Variants in GPC6 observed in about 807,000 individuals in gnomAD.
GPC6 encodes glypican-6.
Under a neutral mutation model 55.2 loss-of-function variants are expected in GPC6, and 14 were observed. The observed-to-expected ratio is 0.25, with a 90% confidence interval of 0.17 to 0.40. GPC6 has a LOEUF of 0.40. Ranked by LOEUF, GPC6 falls within the 10% of genes least tolerant of loss-of-function variation. GPC6 has a pLI of 1.00. For missense variants in GPC6, 641 were observed against 708.5 expected (o/e 0.90, Z 1.08); for synonymous variants, 278 against 259.6 (o/e 1.07, Z -0.68).
At chr13:94,050,796 C>T (rs1315349231) in intron 4 of GPC6, among the ~76,000 whole-genome samples, 3 of 152,262 alleles carry the variant, frequency 2.0e-5, no homozygotes, top group South Asian at 2.1e-4. Flanking sequence ...GCTCTTATTA[C>T]GTTATTACAG....
intron 4 of GPC6, among the ~76,000 whole-genome samples, chr13:94,086,188 GAAAAGAGGATT>G (rs1885276076): frequency 6.6e-6 from 1 of 152,132 alleles, no homozygotes; most frequent in Non-Finnish European, 1.5e-5. Context: ...AAAAGGTTTA[GAAAAGAGGATT>G]ACATAAAGAT....
upstream of GPC6, among the ~76,000 whole-genome samples, chr13:93,222,054 C>T (rs1875641462): frequency 6.6e-6 from 1 of 152,092 alleles, no homozygotes. Flanking sequence ...AAAATTAACA[C>T]AAGACATTTC....
intron 1 of GPC6, among the ~76,000 whole-genome samples, chr13:93,492,372 G>T (rs1314152491): frequency 2.1e-5 from 3 of 142,552 alleles, no homozygotes; most frequent in Non-Finnish European, 4.6e-5. Flanking sequence ...CATTGATTTT[G>T]TATCCTGAGA....
intron 3 of GPC6, among the ~76,000 whole-genome samples, chr13:93,832,053 G>A (rs1475263158): frequency 1.7e-5 from 2 of 116,310 alleles, no homozygotes; most frequent in Non-Finnish European, 3.3e-5. Flanking sequence ...TCGAGCCTCT[G>A]CACTCCAGCC....
intron 3 of GPC6, among the ~76,000 whole-genome samples, chr13:93,997,335 C>A (rs1881600532): frequency 6.6e-6 from 1 of 152,112 alleles, no homozygotes; most frequent in Admixed American, 6.6e-5. Flanking sequence ...AAGTTCTTCT[C>A]TTTGGTAGGA....
intron 2 of GPC6, among the ~76,000 whole-genome samples, chr13:93,760,623 A>G (rs547534418): frequency 3.3e-5 from 5 of 152,284 alleles, no homozygotes; most frequent in South Asian, 2.1e-4. Context: ...TGTATTCTCA[A>G]CAAGGGTCCA....
intron 1 of GPC6, among the ~76,000 whole-genome samples, chr13:93,251,681 C>T (rs1450731006): frequency 1.3e-5 from 2 of 152,128 alleles, no homozygotes; most frequent in Non-Finnish European, 1.5e-5. Context: ...GTTAGTTCTC[C>T]TTTTCCCCAT....
intron 6 of GPC6, among the ~76,000 whole-genome samples, chr13:94,324,023 G>A (rs952335446): frequency 1.3e-5 from 2 of 152,100 alleles, no homozygotes; most frequent in Non-Finnish European, 2.9e-5. Flanking sequence ...GCTGGCTTCC[G>A]GCATTGTTGT....
At chr13:94,190,541 A>G (rs1280166964) in intron 4 of GPC6, among the ~76,000 whole-genome samples, 1 of 152,206 alleles carries the variant, frequency 6.6e-6, no homozygotes, top group East Asian at 1.9e-4. Context: ...TGGCAATGAA[A>G]TGGAATACAG....
intron 1 of GPC6, among the ~76,000 whole-genome samples, chr13:93,296,994 C>A (rs1878517874): frequency 6.6e-6 from 1 of 152,168 alleles, no homozygotes; most frequent in Non-Finnish European, 1.5e-5. Context: ...TTGGAAACAA[C>A]TGAAGAGAAG....
At chr13:94,125,396 C>T (rs1244595633) in intron 4 of GPC6, among the ~76,000 whole-genome samples, 1 of 151,952 alleles carries the variant, frequency 6.6e-6, no homozygotes, top group Non-Finnish European at 1.5e-5. Flanking sequence ...GTGCCATGTG[C>T]ATTTTTTTTC....
chr13:94,131,196 G>C (rs1332585281), intron 4 of GPC6, among the ~76,000 whole-genome samples: 1 of 152,140 alleles, frequency 6.6e-6, no homozygotes, highest in Admixed American at 6.5e-5. Flanking sequence ...ATCCAGGACT[G>C]CATTTATGAT....
intron 2 of GPC6, among the ~76,000 whole-genome samples, chr13:93,643,007 A>G (rs1282630890): frequency 6.6e-6 from 1 of 152,066 alleles, no homozygotes; most frequent in African/African-American, 2.4e-5. Context: ...TTTCATTACA[A>G]CTCTGAAAAT....
chr13:93,929,850 A>G (rs1252375430), intron 3 of GPC6, among the ~76,000 whole-genome samples: 1 of 152,022 alleles, frequency 6.6e-6, no homozygotes, highest in Admixed American at 6.5e-5. Flanking sequence ...GACAGAGAGA[A>G]AAAGGAAGAA....
intron 4 of GPC6, among the ~76,000 whole-genome samples, chr13:94,071,831 T>A (rs952077440): frequency 3.3e-5 from 5 of 152,202 alleles, no homozygotes; most frequent in Non-Finnish European, 7.3e-5. Flanking sequence ...AAAAAAGTGG[T>A]AGCTAACAGT....
intron 1 of GPC6, among the ~76,000 whole-genome samples, chr13:93,505,219 GCCTTGCTTTA>G (rs1005428559): frequency 4.6e-5 from 7 of 152,102 alleles, no homozygotes; most frequent in African/African-American, 1.7e-4. Flanking sequence ...GAAGCCCTTG[GCCTTGCTTTA>G]GCCTCATTTT....
chr13:94,088,427 C>T (rs532551059), intron 4 of GPC6, among the ~76,000 whole-genome samples: 72 of 152,064 alleles, frequency 4.7e-4, no homozygotes, highest in African/African-American at 1.3e-3. Flanking sequence ...TGGCTCACAC[C>T]CGTAATATCC....
At chr13:93,597,824 T>G (rs1446991513) in intron 2 of GPC6, among the ~76,000 whole-genome samples, 2 of 152,094 alleles carry the variant, frequency 1.3e-5, no homozygotes, top group Non-Finnish European at 2.9e-5. Context: ...GCAGTAGGGT[T>G]TTAATAGTTA....
intron 1 of GPC6, among the ~76,000 whole-genome samples, chr13:93,450,334 T>G (rs1437332022): frequency 1.3e-5 from 2 of 152,260 alleles, no homozygotes; most frequent in Non-Finnish European, 2.9e-5. Flanking sequence ...ACTGGCTTCC[T>G]GATGTAATCT....
Sources: allele counts gnomAD v4.1 joint callset (sites outside exome capture counted in the v4.1 genomes callset), GRCh38; gene constraint gnomAD v4.1.1; transcripts MANE v1.5; gene names NCBI Gene and HGNC (gene_info 2026-07-23, HGNC 2026-07-21).